The following DGUOK variants were observed in gnomAD, a reference collection of about 807,000 sequenced individuals.
DGUOK encodes deoxyguanosine kinase, also known as deoxyguanosine kinase, mitochondrial.
A neutral mutation model predicts 36.6 loss-of-function variants in DGUOK; 30 were observed. That is an observed-to-expected ratio of 0.82 (90% CI 0.61 to 1.11). The LOEUF (loss-of-function observed/expected upper bound fraction) is 1.11. DGUOK is among the 50% of genes most tolerant of loss of function. The pLI is 0.00. For synonymous variants in DGUOK, 145 were observed against 126.3 expected, an observed-to-expected ratio of 1.15 and a Z score of -0.99; for missense variants, 361 against 336.4, an observed-to-expected ratio of 1.07 and a Z score of -0.57.
chr2:73,943,252 G>GT (rs1281076553), intron 2 of DGUOK, among the ~76,000 whole-genome samples: 1 of 152,028 alleles, frequency 6.6e-6, no homozygotes, highest in East Asian at 1.9e-4. Context: ...CTGGACTCAG[G>GT]TATCTTCCCA....
rs770802920 is a variant in DGUOK at position 73,957,133 on chromosome 2, GAA to G, written c.601_602del (p.Lys201GlufsTer14). The G allele has an allele frequency of 6.8e-6, 11 of 1,613,628 alleles. No homozygotes were observed. The highest frequency in any genetic ancestry group is 6.8e-6 in the Non-Finnish European group (8 of 1,179,620). On this transcript the variant is annotated frameshift_variant, in exon 5 of 7. Transcript: ENST00000264093. LOFTEE classifies it high-confidence loss of function. ...TGGGGACTGTCTTTTAGGTTTGTTT[GAA>G]GAGACTGTACCAGAGGGCCAGGGAG... ...YLQASPQVCL[K>X]RLYQRAREEE...
intron 5 of DGUOK, chr2:73,957,853 C>T (rs1213032955): frequency 5.3e-6 from 2 of 375,776 alleles, no homozygotes; most frequent in Non-Finnish European, 1.0e-5. Flanking sequence ...ACTAAGTTGG[C>T]ATTCCTGGTT....
At position 73,926,910 on chromosome 2, in the gene DGUOK, G is replaced by C. The variant is rs754623273; in HGVS notation, c.-1G>C. 6.8e-6 allele frequency: 11 copies of C among 1,613,284 alleles called. No homozygotes were observed. The highest frequency in any genetic ancestry group is 2.7e-5 in the African/African-American group (2 of 74,930). On this transcript the variant is annotated 5_prime_UTR_variant, in exon 1 of 7. Coordinates refer to ENST00000264093, the MANE Select transcript of DGUOK (RefSeq NM_080916.3). Reference sequence around the variant, plus strand: ...TGATCGCTGTGTGAATCGTGGGTGGGATGGCCGCGGGCCGCCTCTTTCTAA... The same window carrying C: ...TGATCGCTGTGTGAATCGTGGGTGGCATGGCCGCGGGCCGCCTCTTTCTAA...
At chr2:73,936,115 T>A (rs1405128799) in intron 1 of DGUOK, among the ~76,000 whole-genome samples, 1 of 152,260 alleles carries the variant, frequency 6.6e-6, no homozygotes, top group African/African-American at 2.4e-5. Flanking sequence ...TTTTAGCTAT[T>A]AAATAGCAGG....
At chr2:73,952,708 G>GGCTTC (rs1434142552) in intron 4 of DGUOK, among the ~76,000 whole-genome samples, 4 of 152,216 alleles carry the variant, frequency 2.6e-5, no homozygotes, top group African/African-American at 9.6e-5. Flanking sequence ...GGGGAGGAGT[G>GGCTTC]AGAGAGGAAG....
At chr2:73,955,677 A>G (rs1301315220) in intron 4 of DGUOK, among the ~76,000 whole-genome samples, 19 of 152,122 alleles carry the variant, frequency 1.2e-4, no homozygotes, top group Admixed American at 1.1e-3. Flanking sequence ...GATCGAGACC[A>G]TCCTGGCCGA....
chr2:73,928,982 T>C (rs949307620), intron 1 of DGUOK, among the ~76,000 whole-genome samples: 2 of 152,232 alleles, frequency 1.3e-5, no homozygotes, highest in Non-Finnish European at 2.9e-5. Flanking sequence ...CAATTGGATT[T>C]GGTGACAGGT....
At chr2:73,946,440 A>G (rs1682308754) in intron 2 of DGUOK, among the ~76,000 whole-genome samples, 1 of 152,206 alleles carries the variant, frequency 6.6e-6, no homozygotes, top group South Asian at 2.1e-4. Context: ...TGTTAATTCT[A>G]TATATGGTTC....
chr2:73,931,371 T>C (rs2104867783), intron 1 of DGUOK, among the ~76,000 whole-genome samples: 1 of 152,184 alleles, frequency 6.6e-6, no homozygotes, highest in African/African-American at 2.4e-5. Flanking sequence ...GCTTCCCAGG[T>C]TCAAGTGATT....
In DGUOK at chr2:73,938,404, C is replaced by T. The variant is rs142657290; in HGVS notation, c.143-506C>T. On this transcript the variant is annotated intron_variant, in intron 1 of 6. Transcript: ENST00000264093. ...ATACAAGCTCTGTGACGACAAAATC[C>T]ATTCTGTGTTTTGTTTACCATTGTA... Among the ~76,000 whole-genome samples the T allele has an allele frequency of 5.8e-4, 89 of 152,316 alleles. 2 individuals are homozygous for T. In the East Asian group the frequency reaches 0.015, roughly 26 times the overall value.
chr2:73,932,536 C>A, intron 1 of DGUOK: 1 of 1,001,268 alleles, frequency 1.0e-6, no homozygotes, highest in African/African-American at 1.7e-5. Flanking sequence ...GCATTGGTAC[C>A]CACACAGGGA....
At chr2:73,947,616 G>T (rs559730187) in intron 3 of DGUOK, 1 of 155,808 alleles carries the variant, frequency 6.4e-6, no homozygotes, top group Non-Finnish European at 1.4e-5. Context: ...TGCTCCAGAA[G>T]AGCTAGGCCG....
intron 1 of DGUOK, among the ~76,000 whole-genome samples, chr2:73,932,034 C>A (rs189453428): frequency 3.9e-5 from 6 of 152,192 alleles, no homozygotes; most frequent in African/African-American, 1.2e-4. Flanking sequence ...TATGAGGTGC[C>A]TGTGAGACAT....
At chr2:73,958,109 T>G in intron 5 of DGUOK, 37 bp from the exon 6 acceptor site, 1 of 1,549,908 alleles carries the variant, frequency 6.5e-7, no homozygotes, top group Non-Finnish European at 8.9e-7. Flanking sequence ...GTTACATTTC[T>G]TTTTTTCTGT....
At chr2:73,954,843 G>A (rs1017377979) in intron 4 of DGUOK, among the ~76,000 whole-genome samples, 12 of 152,104 alleles carry the variant, frequency 7.9e-5, no homozygotes, top group African/African-American at 2.7e-4. Context: ...TCTCTCCCTC[G>A]CCACTTGTAG....
At chr2:73,947,442 T>C (rs1332197553) in intron 3 of DGUOK, among the ~76,000 whole-genome samples, 1 of 152,170 alleles carries the variant, frequency 6.6e-6, no homozygotes, top group Non-Finnish European at 1.5e-5. Flanking sequence ...GATTTAGCCC[T>C]TTTTGACCCC....
Position 73,927,010 on chromosome 2 carries a change from G to T in DGUOK, c.100G>T (p.Ala34Ser). 6.2e-7 allele frequency: 1 copy of T among 1,611,240 alleles called. No individual in the cohort carries two copies. Residue 34 changes from alanine (A) to serine (S), a missense_variant, in exon 1 of 7, where the codon GCG (alanine) becomes TCG (serine). Physicochemically the swap from Ala to Ser is moderately conservative, Grantham distance 99. Coordinates refer to ENST00000264093, the MANE Select transcript of DGUOK (RefSeq NM_080916.3). ...EGVSSSRGLH[A>S]GRGPRRLSIE... ...CGTTTCCTCCTCCAGAGGCCTGCAC[G>T]CGGGGCGCGGGCCCCGAAGGCTCTC...
chr2:73,932,670 C>T, intron 1 of DGUOK: 1 of 1,289,330 alleles, frequency 7.8e-7, no homozygotes, highest in Non-Finnish European at 1.0e-6. Flanking sequence ...AACCCCTGTC[C>T]TGACCAAAAT....
chr2:73,948,005 G>C (rs1682455413), intron 3 of DGUOK: 1 of 152,146 alleles, frequency 6.6e-6, no homozygotes, highest in Admixed American at 6.5e-5. Context: ...CTAAAATCAT[G>C]GAAGATATGT....
Sources: gnomAD v4.1 joint callset for allele counts (sites outside exome capture counted in the v4.1 genomes callset) on GRCh38, gnomAD v4.1.1 for gene constraint, MANE v1.5 for transcripts, NCBI Gene and HGNC (gene_info 2026-07-23, HGNC 2026-07-21) for gene names.